The following BATF3 variants were observed in gnomAD, a reference collection of about 807,000 sequenced individuals.
The protein encoded by BATF3 is basic leucine zipper transcriptional factor ATF-like 3.
In BATF3, 8 loss-of-function variants were observed where a neutral mutation model predicts 16.1. The ratio of observed to expected loss-of-function variants is 0.50; its 90% CI spans 0.29 to 0.90. The LOEUF is 0.90. Among genes scored for constraint, BATF3 ranks in the 40% least tolerant of loss-of-function variants. BATF3 has a pLI of 0.08. For synonymous variants in BATF3, 74 were observed against 72.7 expected (o/e 1.02, Z -0.09); for missense variants, 139 against 167.0 (o/e 0.83, Z 0.92).
chr1:212,694,919 T>G (rs79909444), intron 2 of BATF3, among the ~76,000 whole-genome samples: 2,275 of 152,352 alleles, frequency 0.015, 58 homozygotes, highest in African/African-American at 0.053. Flanking sequence ...TGAATTTATA[T>G]CGGAAGGTCA....
At chr1:212,687,361 A>G (rs1656875817) in intron 2 of BATF3, 1 of 220,794 alleles carries the variant, frequency 4.5e-6, no homozygotes, top group African/African-American at 2.2e-5. Flanking sequence ...GTTCACAGCT[A>G]TATCCCCAGC....
intron 2 of BATF3, among the ~76,000 whole-genome samples, chr1:212,692,961 A>G (rs904747772): frequency 6.6e-5 from 10 of 152,142 alleles, no homozygotes; most frequent in Admixed American, 5.9e-4. Context: ...GTGTCTCCCA[A>G]TGAGCTGGCC....
intron 2 of BATF3, among the ~76,000 whole-genome samples, chr1:212,695,438 G>A (rs1377776463): frequency 7.0e-6 from 1 of 142,294 alleles, no homozygotes; most frequent in Non-Finnish European, 1.5e-5. Flanking sequence ...AGGTTGCAGT[G>A]AGCTGAGATC....
intron 2 of BATF3, among the ~76,000 whole-genome samples, chr1:212,691,610 T>C (rs116374906): frequency 6.6e-6 from 1 of 152,240 alleles, no homozygotes; most frequent in Non-Finnish European, 1.5e-5. Flanking sequence ...GGTGCTGCCA[T>C]GAAGCTCTCA....
chr1:212,687,967 A>AAAAG (rs796615441), intron 2 of BATF3, among the ~76,000 whole-genome samples: 32 of 99,718 alleles, frequency 3.2e-4, no homozygotes, highest in African/African-American at 9.8e-4. Flanking sequence ...GAAAGAAAAA[A>AAAAG]AAAGAAAGAA....
chr1:212,687,346 A>G (rs139397186), intron 2 of BATF3: 6 of 242,680 alleles, frequency 2.5e-5, no homozygotes, highest in Non-Finnish European at 3.3e-5. Flanking sequence ...GAAGATCTCT[A>G]TTGGGTTCAC....
intron 1 of BATF3, chr1:212,698,415 C>T (rs1657181038): frequency 6.6e-6 from 1 of 152,190 alleles, no homozygotes; most frequent in Non-Finnish European, 1.5e-5. Context: ...ATGTGCCAGA[C>T]ACTGTTCTAG....
At position 212,699,320 on chromosome 1, in the gene BATF3, G is replaced by T. The variant is rs1179988972; in HGVS notation, c.90+353C>A. 6.6e-6 allele frequency among the ~76,000 whole-genome samples: 1 copy of T among 152,142 alleles called. No individual in the cohort carries two copies. The highest frequency in any genetic ancestry group is 2.4e-5 in the African/African-American group (1 of 41,442). On this transcript the variant is annotated intron_variant, in intron 1 of 2. Coordinates refer to ENST00000243440, the MANE Select transcript of BATF3 (RefSeq NM_018664.3). This position sits in a 1 kb window ranked among gnomAD's most constrained non-coding sequence, Gnocchi z 4.4. ...GCGGGTGGTGGGGTGGCAGTCGCTG[G>T]CTGCGCCAGGATGGGGCGGCCCTCA...
chr1:212,692,164 T>C (rs1657015257), intron 2 of BATF3, among the ~76,000 whole-genome samples: 1 of 152,036 alleles, frequency 6.6e-6, no homozygotes, highest in African/African-American at 2.4e-5. Flanking sequence ...CCTAGGACTT[T>C]GGAGATGGAG....
rs745978234 is a variant in BATF3, at chr1:212,686,825, C to T, written c.350G>A (p.Arg117Gln). The T allele has an allele frequency of 9.3e-6, 15 of 1,613,490 alleles. No homozygotes were observed. In the Admixed American group the frequency reaches 1.0e-4, roughly 11 times the overall value. Reference sequence around the variant, plus strand: ...CAAGCAGCCGGCCACAGGGTCCGGCCGGGGAGGCACTGGCACAAAGTTCAT... The same window carrying T: ...CAAGCAGCCGGCCACAGGGTCCGGCTGGGGAGGCACTGGCACAAAGTTCAT... The part of the protein sequence containing the change: ...CPMNFVPVPP[R>Q]PDPVAGCLPR The change falls in exon 3 of 3, where the codon CGG (arginine) becomes CAG (glutamine). Residue 117 changes from arginine (R) to glutamine (Q), a missense_variant. Transcript: ENST00000243440.
At chr1:212,696,522 A>T (rs1657136426) in intron 2 of BATF3, among the ~76,000 whole-genome samples, 1 of 151,958 alleles carries the variant, frequency 6.6e-6, no homozygotes, top group African/African-American at 2.4e-5. Flanking sequence ...TTGAGTGGAA[A>T]GGGGGTAGCA....
chr1:212,688,229 C>T (rs1478151845), intron 2 of BATF3, among the ~76,000 whole-genome samples: 1 of 152,188 alleles, frequency 6.6e-6, no homozygotes, highest in Non-Finnish European at 1.5e-5. Flanking sequence ...CTCAGGTCCT[C>T]TGAGTTCCTT....
chr1:212,691,357 A>G (rs2102401509), intron 2 of BATF3, among the ~76,000 whole-genome samples: 1 of 152,324 alleles, frequency 6.6e-6, no homozygotes, highest in East Asian at 1.9e-4. Flanking sequence ...TAGACCTGGG[A>G]TCTGACTCCT....
At chr1:212,696,425 T>G (rs939484423) in intron 2 of BATF3, among the ~76,000 whole-genome samples, 28 of 91,608 alleles carry the variant, frequency 3.1e-4, no homozygotes, top group South Asian at 2.2e-3. Flanking sequence ...TTCTGTAGGG[T>G]GTGTGTGTGT....
At chr1:212,696,423 G>GGTGTGTGTGTGT (rs139095900) in intron 2 of BATF3, among the ~76,000 whole-genome samples, 5 of 148,506 alleles carry the variant, frequency 3.4e-5, no homozygotes, top group Non-Finnish European at 4.5e-5. Flanking sequence ...GTTTCTGTAG[G>GGTGTGTGTGTGT]GTGTGTGTGT....
intron 2 of BATF3, among the ~76,000 whole-genome samples, chr1:212,687,893 C>G (rs991643636): frequency 1.3e-5 from 2 of 150,154 alleles, no homozygotes; most frequent in African/African-American, 4.9e-5. Flanking sequence ...CAGCACTGCA[C>G]TCCAGCCTGG....
At chr1:212,696,319 G>C (rs566457909) in intron 2 of BATF3, among the ~76,000 whole-genome samples, 1 of 152,300 alleles carries the variant, frequency 6.6e-6, no homozygotes, top group Non-Finnish European at 1.5e-5. Context: ...TGGGTCCAAA[G>C]TGTCGAATGT....
chr1:212,688,795 T>C (rs78800177), intron 2 of BATF3, among the ~76,000 whole-genome samples: 1,765 of 152,368 alleles, frequency 0.012, 16 homozygotes, highest in East Asian at 0.022. Context: ...CGTTCATTTC[T>C]AGTTTATAGT....
At chr1:212,695,745 A>G (rs984214428) in intron 2 of BATF3, among the ~76,000 whole-genome samples, 3 of 152,182 alleles carry the variant, frequency 2.0e-5, no homozygotes, top group African/African-American at 4.8e-5. Flanking sequence ...CCCATTCCTC[A>G]GATAGATCCT....
Sources: allele counts gnomAD v4.1 joint callset (sites outside exome capture counted in the v4.1 genomes callset), GRCh38; gene constraint gnomAD v4.1.1; non-coding constraint Gnocchi (gnomAD v3.1); transcripts MANE v1.5; gene names NCBI Gene and HGNC (gene_info 2026-07-23, HGNC 2026-07-21).